The following ITPR1 variants were observed in gnomAD, a reference collection of about 807,000 sequenced individuals.
ITPR1 encodes inositol 1,4,5-trisphosphate receptor type 1, also known as inositol 1,4,5-trisphosphate-gated calcium channel ITPR1.
In ITPR1, 96 loss-of-function variants were observed where a neutral mutation model predicts 318.4. The observed-to-expected ratio is 0.30, with a 90% CI of 0.26 to 0.36. ITPR1 has a LOEUF of 0.36. Ranked by LOEUF, ITPR1 falls within the 10% of genes least tolerant of loss-of-function variation. The pLI, the probability that ITPR1 is intolerant of heterozygous loss-of-function variation, is 1.00. For missense variants in ITPR1, 2,440 were observed against 3,460.2 expected (o/e 0.71, Z 7.40); for synonymous variants, 1,312 against 1,289.9 (o/e 1.02, Z -0.37).
intron 58 of ITPR1, 103 bp downstream of exon 58, chr3:4,814,665 G>T (rs2049172732): frequency 9.3e-7 from 1 of 1,072,600 alleles, no homozygotes; most frequent in Non-Finnish European, 1.4e-6. Context: ...CGCAGAGGAA[G>T]AGCTGGGAGT....
chr3:4,642,421 G>T (rs978097817), intron 7 of ITPR1, among the ~76,000 whole-genome samples, 170 bp downstream of exon 7: 1 of 152,222 alleles, frequency 6.6e-6, no homozygotes, highest in East Asian at 1.9e-4. Flanking sequence ...ACTGTGGAGA[G>T]AAGTGTGACC....
intron 4 of ITPR1, among the ~76,000 whole-genome samples, chr3:4,554,064 A>C (rs2085869183): frequency 6.6e-6 from 1 of 152,214 alleles, no homozygotes; most frequent in African/African-American, 2.4e-5. Context: ...ATTAATTTTA[A>C]AAAGAACCTT....
At chr3:4,661,822 T>A (rs1310392048) in intron 14 of ITPR1, among the ~76,000 whole-genome samples, 1 of 152,232 alleles carries the variant, frequency 6.6e-6, no homozygotes, top group African/African-American at 2.4e-5. Context: ...GAATTTTGGA[T>A]GCTCCCTGTA....
intron 53 of ITPR1, 104 bp from the exon 54 acceptor site, chr3:4,800,321 C>G: frequency 8.1e-7 from 1 of 1,233,358 alleles, no homozygotes; most frequent in Non-Finnish European, 1.1e-6. Flanking sequence ...GACTGGTAAG[C>G]CAAAAAAGTT....
chr3:4,499,423 T>C (rs911809319), intron 2 of ITPR1, among the ~76,000 whole-genome samples: 12 of 152,338 alleles, frequency 7.9e-5, no homozygotes, highest in Non-Finnish European at 1.5e-4. Flanking sequence ...TTTTTCTAAA[T>C]GTGCCTACCC....
chr3:4,585,726 C>T (rs1478461303), intron 4 of ITPR1, among the ~76,000 whole-genome samples: 2 of 151,980 alleles, frequency 1.3e-5, no homozygotes, highest in East Asian at 3.9e-4. Context: ...CATGAGCCAC[C>T]GCACCCAGCC....
chr3:4,660,925 C>T (rs1041063823), intron 13 of ITPR1, 63 bp from the exon 14 acceptor site: 1 of 769,192 alleles, frequency 1.3e-6, no homozygotes, highest in Non-Finnish European at 2.1e-6. Flanking sequence ...ATATTCTAGA[C>T]TAGGGGCTAT....
At chr3:4,500,462 A>G (rs2080936130) in intron 2 of ITPR1, among the ~76,000 whole-genome samples, 1 of 148,994 alleles carries the variant, frequency 6.7e-6, no homozygotes, top group Non-Finnish European at 1.5e-5. Flanking sequence ...TTGACCTCCC[A>G]AAGTGTTGGG....
intron 40 of ITPR1, among the ~76,000 whole-genome samples, chr3:4,721,361 G>T (rs1246704913): frequency 6.6e-6 from 1 of 151,964 alleles, no homozygotes; most frequent in Non-Finnish European, 1.5e-5. Context: ...TTTTTGCTTA[G>T]TTCTGTTTCT....
chr3:4,765,080 A>G (rs2045727567), intron 44 of ITPR1, among the ~76,000 whole-genome samples: 1 of 151,916 alleles, frequency 6.6e-6, no homozygotes, highest in Non-Finnish European at 1.5e-5. Flanking sequence ...AAAAGAAAAG[A>G]AAAGAAACGA....
chr3:4,777,502 C>A, intron 48 of ITPR1, 128 bp downstream of exon 48: 1 of 637,826 alleles, frequency 1.6e-6, no homozygotes, highest in Non-Finnish European at 2.8e-6. Flanking sequence ...AATGAATGAC[C>A]CAGGTTGCTA....
chr3:4,631,164 T>A (rs1042769245), intron 5 of ITPR1, among the ~76,000 whole-genome samples: 8 of 152,190 alleles, frequency 5.3e-5, no homozygotes, highest in African/African-American at 1.9e-4. Context: ...AGCTCTCAGC[T>A]CTTTGGGCGA....
chr3:4,544,592 G>C (rs193228972), intron 4 of ITPR1, among the ~76,000 whole-genome samples: 2 of 152,130 alleles, frequency 1.3e-5, no homozygotes, highest in South Asian at 4.1e-4. Flanking sequence ...CTAGCTAAGT[G>C]GGGCTAGGTA....
At chr3:4,738,260 A>G (rs1277069706) in intron 44 of ITPR1, among the ~76,000 whole-genome samples, 1 of 152,268 alleles carries the variant, frequency 6.6e-6, no homozygotes, top group Non-Finnish European at 1.5e-5. Flanking sequence ...TATGCTTAAA[A>G]TTAGTGTGCT....
At chr3:4,669,259 C>T (rs1439541800) in intron 18 of ITPR1, among the ~76,000 whole-genome samples, 3 of 152,222 alleles carry the variant, frequency 2.0e-5, no homozygotes, top group South Asian at 2.1e-4. Flanking sequence ...CAAATGAACG[C>T]TCCATAGCAG....
chr3:4,652,197 G>C lies in ITPR1; in HGVS notation c.930G>C (p.Thr310=). ...NSLFRFKHLA[T]GHYLAAEVDP... Reference sequence around the variant, plus strand: ...TTTTCCGTTTCAAGCATCTGGCCACGGGGCATTACTTGGCAGCAGAGGTAA... The same window carrying C: ...TTTTCCGTTTCAAGCATCTGGCCACCGGGCATTACTTGGCAGCAGAGGTAA... Residue 310 remains threonine (T), a synonymous_variant, in exon 11 of 62, where the codon ACG becomes ACC. Transcript: ENST00000649015. 6.2e-7 allele frequency: 1 copy of C among 1,612,204 alleles called. No individual in the cohort carries two copies. The highest frequency in any genetic ancestry group is 8.5e-7 in the Non-Finnish European group (1 of 1,179,212).
chr3:4,824,248 G>T (rs2049923493), intron 60 of ITPR1, among the ~76,000 whole-genome samples: 1 of 152,170 alleles, frequency 6.6e-6, no homozygotes, highest in Admixed American at 6.5e-5. Flanking sequence ...GGATAGTAAG[G>T]AATAGCTCGT....
At chr3:4,520,607 T>G (rs1277866748) in intron 3 of ITPR1, among the ~76,000 whole-genome samples, 1 of 152,182 alleles carries the variant, frequency 6.6e-6, no homozygotes, top group African/African-American at 2.4e-5. Flanking sequence ...TCCTTATCAG[T>G]TTGTTCTTAA....
intron 51 of ITPR1, among the ~76,000 whole-genome samples, chr3:4,784,569 T>G (rs1283467688): frequency 1.4e-5 from 2 of 144,222 alleles, no homozygotes; most frequent in African/African-American, 5.1e-5. Context: ...GTTTTTTGTT[T>G]TTTTTTTTTT....
Sources: gnomAD v4.1 joint callset for allele counts (sites outside exome capture counted in the v4.1 genomes callset) on GRCh38, gnomAD v4.1.1 for gene constraint, MANE v1.5 for transcripts, NCBI Gene and HGNC (gene_info 2026-07-23, HGNC 2026-07-21) for gene names.